The following QDPR variants were observed in gnomAD, a reference collection of about 807,000 sequenced individuals.
QDPR encodes the protein dihydropteridine reductase.
Under a neutral mutation model 31.7 loss-of-function variants are expected in QDPR, and 23 were observed. The observed-to-expected ratio is 0.73, with a 90% CI of 0.52 to 1.03. QDPR has a LOEUF of 1.03. Among genes scored for constraint, QDPR ranks in the 50% least tolerant of loss-of-function variants. The pLI is 0.00. For missense variants in QDPR, 324 were observed against 323.8 expected (o/e 1.00, Z 0.00); for synonymous variants, 124 against 124.7 (o/e 0.99, Z 0.03).
intron 5 of QDPR, 86 bp downstream of exon 5, chr4:17,492,146 G>A (rs533615717): frequency 5.2e-5 from 56 of 1,074,346 alleles, no homozygotes; most frequent in East Asian, 9.5e-5. Flanking sequence ...CACCCAGGTC[G>A]CCTGTGGAAA....
At position 17,493,094 on chromosome 4, in the gene QDPR, C is replaced by G. The variant is rs1430308519; in HGVS notation, c.437-754G>C. Reference sequence around the variant, plus strand: ...CTGTAAAATGGGTTTGAGGTGTTTTCTAACACAGTCAATTCTCTAAGTCTC... The same window carrying G: ...CTGTAAAATGGGTTTGAGGTGTTTTGTAACACAGTCAATTCTCTAAGTCTC... On this transcript the variant is annotated intron_variant, in intron 4 of 6. Transcript: ENST00000281243. 2.0e-5 allele frequency among the ~76,000 whole-genome samples: 3 copies of G among 152,210 alleles called. No individual in the cohort carries two copies. The South Asian group carries it at 6.2e-4, about 32-fold the overall frequency.
At chr4:17,506,990 C>G (rs554306980) in intron 2 of QDPR, among the ~76,000 whole-genome samples, 1 of 152,264 alleles carries the variant, frequency 6.6e-6, no homozygotes, top group East Asian at 1.9e-4. Flanking sequence ...AAATGATTAA[C>G]TATATGGTAG....
chr4:17,491,930 C>G (rs960603264), intron 5 of QDPR, among the ~76,000 whole-genome samples: 12 of 152,188 alleles, frequency 7.9e-5, no homozygotes, highest in Non-Finnish European at 1.8e-4. Context: ...ATAGAAGGCG[C>G]CATCTATGAG....
chr4:17,489,147 T>G (rs1035721804), intron 6 of QDPR, among the ~76,000 whole-genome samples: 1 of 152,200 alleles, frequency 6.6e-6, no homozygotes, highest in Non-Finnish European at 1.5e-5. Context: ...GATAGGTGAG[T>G]GAGAACGCCA....
At chr4:17,491,007 CAGA>C (rs1718145534) in intron 5 of QDPR, among the ~76,000 whole-genome samples, 1 of 152,158 alleles carries the variant, frequency 6.6e-6, no homozygotes, top group South Asian at 2.1e-4. Flanking sequence ...AAGAACAAAA[CAGA>C]AGGAGCCACA....
intron 2 of QDPR, among the ~76,000 whole-genome samples, chr4:17,508,021 C>A (rs189726721): frequency 3.3e-5 from 5 of 152,272 alleles, no homozygotes; most frequent in African/African-American, 1.2e-4. Flanking sequence ...TCTATATTTA[C>A]GTAGTTTTGT....
In QDPR at chr4:17,494,031, C is replaced by T. The variant is rs183628481; in HGVS notation, c.437-1691G>A. Among the ~76,000 whole-genome samples the T allele has an allele frequency of 1.4e-3, 220 of 152,214 alleles. 2 individuals carry two copies. The highest frequency in any genetic ancestry group is 5.2e-3 in the African/African-American group (214 of 41,516). Reference sequence around the variant, plus strand: ...CCATCAAATCAATAGAAGTAATGTGCCCTGGAACCCGACTACCTGGCTTCG... The same window carrying T: ...CCATCAAATCAATAGAAGTAATGTGTCCTGGAACCCGACTACCTGGCTTCG... On this transcript the variant is annotated intron_variant, in intron 4 of 6. Coordinates refer to ENST00000281243, the MANE Select transcript of QDPR (RefSeq NM_000320.3).
chr4:17,507,911 T>C (rs1313622177), intron 2 of QDPR, among the ~76,000 whole-genome samples: 1 of 152,122 alleles, frequency 6.6e-6, no homozygotes, highest in Non-Finnish European at 1.5e-5. Flanking sequence ...CTAGAGCATC[T>C]AAGATATTTA....
At chr4:17,504,039 A>C (rs913929943) in intron 3 of QDPR, among the ~76,000 whole-genome samples, 1 of 152,116 alleles carries the variant, frequency 6.6e-6, no homozygotes, top group Non-Finnish European at 1.5e-5. Context: ...TAAAATCTCA[A>C]GTTTGACTTC....
intron 2 of QDPR, among the ~76,000 whole-genome samples, chr4:17,507,746 G>A (rs1340191403): frequency 6.6e-6 from 1 of 152,090 alleles, no homozygotes; most frequent in Non-Finnish European, 1.5e-5. Flanking sequence ...TGGGACTACA[G>A]GCGTGCACCA....
chr4:17,491,174 A>G (rs1201061837), intron 5 of QDPR, among the ~76,000 whole-genome samples: 3 of 152,260 alleles, frequency 2.0e-5, no homozygotes, highest in African/African-American at 7.2e-5. Context: ...AATTTTAAAT[A>G]TGTGGCTATT....
intron 5 of QDPR, among the ~76,000 whole-genome samples, chr4:17,491,909 T>C (rs1241768166): frequency 6.6e-6 from 1 of 152,128 alleles, no homozygotes; most frequent in East Asian, 1.9e-4. Context: ...CCTTCCACCG[T>C]GTGAGCACAT....
At chr4:17,496,803 C>T (rs1189600910) in intron 4 of QDPR, among the ~76,000 whole-genome samples, 1 of 152,082 alleles carries the variant, frequency 6.6e-6, no homozygotes, top group Non-Finnish European at 1.5e-5. Context: ...GTCACCCAGA[C>T]TGGAGTGCAG....
chr4:17,503,817 G>C (rs1459667297), intron 3 of QDPR, among the ~76,000 whole-genome samples: 1 of 152,076 alleles, frequency 6.6e-6, no homozygotes, highest in Non-Finnish European at 1.5e-5. Context: ...TGGGCTTGGT[G>C]GTGGGCACCT....
chr4:17,492,456 G>GCATCTA (rs747307780), intron 4 of QDPR, 116 bp from the exon 5 acceptor site: 9 of 838,896 alleles, frequency 1.1e-5, no homozygotes, highest in Non-Finnish European at 9.8e-6. Context: ...AGCTGCATCT[G>GCATCTA]GCCTCCTCCT....
intron 4 of QDPR, among the ~76,000 whole-genome samples, chr4:17,500,593 G>T (rs538257795): frequency 1.4e-3 from 220 of 152,264 alleles, no homozygotes; most frequent in African/African-American, 4.9e-3. Flanking sequence ...AAAGGAGAAG[G>T]CAGCCATCTA....
intron 6 of QDPR, among the ~76,000 whole-genome samples, chr4:17,488,881 T>C (rs1450230578): frequency 6.6e-6 from 1 of 152,212 alleles, no homozygotes; most frequent in Non-Finnish European, 1.5e-5. Context: ...AGTACTGTCA[T>C]GTCATGGCCT....
At chr4:17,494,150 A>G (rs1222857165) in intron 4 of QDPR, among the ~76,000 whole-genome samples, 1 of 152,154 alleles carries the variant, frequency 6.6e-6, no homozygotes, top group Non-Finnish European at 1.5e-5. Flanking sequence ...TGGGAATGAC[A>G]ATCCCAAATC....
At chr4:17,495,777 G>A (rs538869353) in intron 4 of QDPR, among the ~76,000 whole-genome samples, 149 of 152,148 alleles carry the variant, frequency 9.8e-4, no homozygotes, top group African/African-American at 3.2e-3. Flanking sequence ...GGGAGGCTGC[G>A]GCAAGTGGAT....
Sources: allele counts gnomAD v4.1 joint callset (sites outside exome capture counted in the v4.1 genomes callset), GRCh38; gene constraint gnomAD v4.1.1; transcripts MANE v1.5; gene names NCBI Gene and HGNC (gene_info 2026-07-23, HGNC 2026-07-21).